Variants in ERCC6 observed in about 807,000 individuals in gnomAD.
ERCC6 encodes ERCC excision repair 6, chromatin remodeling factor.
ERCC6 carries 116 observed loss-of-function variants against 158.7 expected under a neutral mutation model. The ratio of observed to expected loss-of-function variants is 0.73; its 90% CI spans 0.63 to 0.85. ERCC6 has a LOEUF of 0.85. ERCC6 is among the 40% of genes least tolerant of loss of function. ERCC6 has a pLI of 0.00. For missense variants in ERCC6, 1,698 were observed against 1,799.4 expected (o/e 0.94, Z 1.02); for synonymous variants, 678 against 659.3 (o/e 1.03, Z -0.43).
intron 7 of ERCC6, among the ~76,000 whole-genome samples, chr10:49,494,338 C>T (rs1304140843): frequency 6.6e-6 from 1 of 152,108 alleles, no homozygotes; most frequent in Non-Finnish European, 1.5e-5. Context: ...ATAGAAAATA[C>T]TATAAGATTC....
At chr10:49,512,473 T>G (rs1323883686) in intron 5 of ERCC6, among the ~76,000 whole-genome samples, 1 of 152,228 alleles carries the variant, frequency 6.6e-6, no homozygotes, top group Non-Finnish European at 1.5e-5. Flanking sequence ...CCAATATTGA[T>G]ACTGTACTTA....
chr10:49,501,934 T>C (rs1387264474), intron 6 of ERCC6: 8 of 152,110 alleles, frequency 5.3e-5, no homozygotes, highest in Non-Finnish European at 1.0e-4. Context: ...GATTCCAAAC[T>C]GGGCAACAGA....
intron 1 of ERCC6, among the ~76,000 whole-genome samples, chr10:49,535,474 T>C (rs900374755): frequency 5.9e-5 from 9 of 151,770 alleles, no homozygotes; most frequent in Non-Finnish European, 1.3e-4. Context: ...CTGCTGATTA[T>C]TTTCAAGAGG....
At chr10:49,436,763 G>A in the ERCC6 span, among the ~76,000 whole-genome samples, 3 of 152,130 alleles carry the variant, frequency 2.0e-5, no homozygotes, top group South Asian at 2.1e-4. Flanking sequence ...CATGTGTACC[G>A]GGAGGCATAT....
chr10:49,512,751 C>T (rs1836842191), intron 5 of ERCC6, among the ~76,000 whole-genome samples: 1 of 152,156 alleles, frequency 6.6e-6, no homozygotes, highest in African/African-American at 2.4e-5. Context: ...ATAACTTATA[C>T]ACATAGGCTG....
intron 8 of ERCC6, among the ~76,000 whole-genome samples, chr10:49,483,733 T>C (rs951948448): frequency 2.0e-5 from 3 of 152,042 alleles, no homozygotes; most frequent in South Asian, 2.1e-4. Context: ...CTCAAAAAGA[T>C]GACAAAGTTA....
At chr10:49,520,310 G>A (rs774635843) in intron 5 of ERCC6, among the ~76,000 whole-genome samples, 1 of 152,156 alleles carries the variant, frequency 6.6e-6, no homozygotes, top group East Asian at 1.9e-4. Context: ...TCTGTGGGTG[G>A]GGAAGCTTTG....
chr10:49,490,371 T>C (rs1436853368), intron 8 of ERCC6, among the ~76,000 whole-genome samples: 2 of 151,624 alleles, frequency 1.3e-5, no homozygotes, highest in African/African-American at 2.4e-5. Context: ...TTTTTTTTTT[T>C]TGAGACAGAG....
At chr10:49,451,482 A>G (rs1351145441), downstream of ERCC6, among the ~76,000 whole-genome samples, 1 of 152,120 alleles carries the variant, frequency 6.6e-6, no homozygotes, top group Non-Finnish European at 1.5e-5. Context: ...AAACATTTTT[A>G]TGATGAAAGG....
At chr10:49,475,181 G>A in intron 12 of ERCC6, 1 of 294,624 alleles carries the variant, frequency 3.4e-6, no homozygotes, top group East Asian at 8.1e-5. Flanking sequence ...AAATTGTGAT[G>A]TGCTGCATAT....
intron 8 of ERCC6, among the ~76,000 whole-genome samples, chr10:49,486,814 G>GA (rs1329754270): frequency 6.6e-6 from 1 of 152,174 alleles, no homozygotes; most frequent in Non-Finnish European, 1.5e-5. Flanking sequence ...TCCTATTACT[G>GA]AAATTGTTCC....
intron 3 of ERCC6, among the ~76,000 whole-genome samples, chr10:49,530,280 C>T (rs1465943650): frequency 1.3e-5 from 2 of 152,154 alleles, no homozygotes; most frequent in Non-Finnish European, 2.9e-5. Context: ...GTCTGACTTG[C>T]AATTTTTCAA....
intron 11 of ERCC6, among the ~76,000 whole-genome samples, chr10:49,476,792 C>G (rs1379000970): frequency 1.3e-5 from 2 of 152,168 alleles, no homozygotes; most frequent in South Asian, 4.1e-4. Flanking sequence ...ACCAACCACT[C>G]CATGCGATCG....
rs116417950 is a variant in ERCC6, at chr10:49,530,101, G to A, written c.543+619C>T. The stretch of plus-strand genomic sequence containing the variant: ...GTGGAGACAATTAGAGGAAGCAAGG[G>A]CTAAGCAGAAAAGAGTTCACAGGAG... On this transcript the variant is annotated intron_variant, in intron 3 of 20. Coordinates refer to ENST00000355832, the MANE Select transcript of ERCC6 (RefSeq NM_000124.4). 3.7e-3 allele frequency among the ~76,000 whole-genome samples: 560 copies of A among 152,146 alleles called. 6 individuals are homozygous for A. Among genetic ancestry groups the A allele is most frequent in the African/African-American group, 0.013 (542 of 41,500 alleles).
chr10:49,514,229 A>C (rs981089995), intron 5 of ERCC6, among the ~76,000 whole-genome samples: 1 of 152,162 alleles, frequency 6.6e-6, no homozygotes, highest in Admixed American at 6.5e-5. Context: ...TGTGCAAAGT[A>C]AGTCAAAACT....
intron 4 of ERCC6, among the ~76,000 whole-genome samples, chr10:49,527,629 G>A (rs1348584222): frequency 6.6e-6 from 1 of 152,130 alleles, no homozygotes; most frequent in Non-Finnish European, 1.5e-5. Flanking sequence ...GAGCTGAGAT[G>A]GTGCCATTGC....
rs548033657 is a variant in ERCC6, at chr10:49,524,627, G to A, written c.803C>T (p.Ala268Val). 7.4e-5 allele frequency: 119 copies of A among 1,614,166 alleles called. 4 individuals carry two copies. The South Asian group carries it at 1.3e-3, about 17-fold the overall frequency. ...TGCCAAATACTTTTCGAAGCCTGAT[G>A]CTTCATTAAGCATGATTTTTCTGGG... is the stretch of plus-strand genomic sequence containing the variant. ...KKPRKIMLNE[A>V]SGFEKYLADQ... The change falls in exon 5 of 21, where the codon GCA becomes GTA. Residue 268 changes from alanine to valine, a missense_variant. By Grantham distance (64) the Ala-to-Val change is moderately conservative (BLOSUM62 0). Coordinates refer to ENST00000355832, the MANE Select transcript of ERCC6 (RefSeq NM_000124.4).
intron 20 of ERCC6, among the ~76,000 whole-genome samples, chr10:49,459,642 A>G (rs139821232): frequency 1.1e-4 from 17 of 152,238 alleles, no homozygotes; most frequent in Non-Finnish European, 1.6e-4. Context: ...GATAAGGAAC[A>G]ATATCATAGC....
intron 7 of ERCC6, among the ~76,000 whole-genome samples, chr10:49,494,052 A>G (rs558315008): frequency 6.6e-6 from 1 of 152,216 alleles, no homozygotes; most frequent in Non-Finnish European, 1.5e-5. Flanking sequence ...AGCATTCTTT[A>G]TACTGCAGAA....
Sources: allele counts gnomAD v4.1 joint callset (sites outside exome capture counted in the v4.1 genomes callset), GRCh38; gene constraint gnomAD v4.1.1; transcripts MANE v1.5; gene names NCBI Gene and HGNC (gene_info 2026-07-23, HGNC 2026-07-21).